The following ADGRE1 variants were observed in gnomAD, a reference collection of about 807,000 sequenced individuals.
ADGRE1 encodes EGF-like module receptor 1.
In ADGRE1, 82 loss-of-function variants were observed where a neutral mutation model predicts 102.7. The ratio of observed to expected loss-of-function variants is 0.80; its 90% confidence interval spans 0.67 to 0.96. The LOEUF is 0.96. ADGRE1 is among the 40% of genes least tolerant of loss of function. The pLI is 0.00. For missense variants in ADGRE1, 1,032 were observed against 1,085.3 expected (o/e 0.95, Z 0.69); for synonymous variants, 398 against 399.6 (o/e 1.00, Z 0.05).
intron 16 of ADGRE1, among the ~76,000 whole-genome samples, chr19:6,926,995 G>A (rs1462801325): frequency 2.0e-5 from 3 of 151,718 alleles, no homozygotes; most frequent in Non-Finnish European, 4.4e-5. Flanking sequence ...GGAGGCGGAG[G>A]CTGCAGTGAG....
At chr19:6,929,592 G>A (rs985080631) in intron 17 of ADGRE1, among the ~76,000 whole-genome samples, 3 of 151,606 alleles carry the variant, frequency 2.0e-5, no homozygotes, top group Admixed American at 1.3e-4. Flanking sequence ...GTGCAATCTC[G>A]GCTCACTGCA....
intron 14 of ADGRE1, among the ~76,000 whole-genome samples, chr19:6,922,610 TCTCACA>T (rs755001885): frequency 0.026 from 3,160 of 119,964 alleles, 47 homozygotes; most frequent in Non-Finnish European, 0.036. Context: ...TGAGACTCTG[TCTCACA>T]CACACACACA....
At chr19:6,906,561 T>C (rs1195581728) in intron 9 of ADGRE1, 40 bp downstream of exon 9, 2 of 1,576,048 alleles carry the variant, frequency 1.3e-6, no homozygotes, top group Admixed American at 1.7e-5. Flanking sequence ...GAGGTTTTCT[T>C]AGAAGCCATT....
Position 6,904,057 on chromosome 19 carries a change from A to G in ADGRE1, c.824A>G (p.Asp275Gly), listed in dbSNP as rs772475033. Reference protein sequence around the residue: ...ECRDIDECRQDPSTCGPNSIC... With the variant: ...ECRDIDECRQGPSTCGPNSIC... ...GCAGATATTGATGAGTGCCGCCAAG[A>G]TCCATCAACCTGTGGTCCTAATTCT... Residue 275 changes from aspartate (D) to glycine (G), a missense_variant, in exon 8 of 21, where the codon GAT becomes GGT. By Grantham distance (94) the Asp-to-Gly change is moderately conservative. Transcript: ENST00000312053. The G allele has an allele frequency of 5.0e-6, 8 of 1,614,160 alleles. No homozygotes were observed. The South Asian group carries it at 6.6e-5, about 13-fold the overall frequency.
intron 9 of ADGRE1, 25 bp from the exon 10 acceptor site, chr19:6,908,664 C>CTTT (rs34044572): frequency 1.4e-3 from 1,884 of 1,340,756 alleles, no homozygotes; most frequent in South Asian, 3.0e-3. Context: ...CACAAATGCT[C>CTTT]TTTTTTTTTT....
chr19:6,940,053 G>T lies in ADGRE1; in HGVS notation c.*24G>T. The T allele has an allele frequency of 6.2e-7, 1 of 1,613,132 alleles. No individual in the cohort carries two copies. The highest frequency in any genetic ancestry group is 8.5e-7 in the Non-Finnish European group (1 of 1,179,564). On this transcript the variant is annotated 3_prime_UTR_variant, in exon 21 of 21. Transcript: ENST00000312053. ...AAAGTCCTTTCTTGCTTTCAAATAT[G>T]CTATGGAGCCACAGTTGAGGACAGT...
At chr19:6,906,702 T>C (rs1028304415) in intron 9 of ADGRE1, among the ~76,000 whole-genome samples, 181 bp downstream of exon 9, 4 of 152,208 alleles carry the variant, frequency 2.6e-5, no homozygotes, top group African/African-American at 7.2e-5. Flanking sequence ...ATGGCTCCAT[T>C]ATGCTCTGCC....
At chr19:6,936,195 G>C (rs1975393997) in intron 18 of ADGRE1, among the ~76,000 whole-genome samples, 1 of 152,160 alleles carries the variant, frequency 6.6e-6, no homozygotes, top group Non-Finnish European at 1.5e-5. Context: ...CCAGCAGTTT[G>C]GGAGGCTGAG....
intron 14 of ADGRE1, among the ~76,000 whole-genome samples, chr19:6,923,597 C>T (rs980125881): frequency 2.0e-5 from 3 of 152,010 alleles, no homozygotes; most frequent in African/African-American, 7.3e-5. Context: ...GAGGTGTGAT[C>T]TCAGCTCACT....
intron 9 of ADGRE1, 83 bp from the exon 10 acceptor site, chr19:6,908,605 TG>T: frequency 8.0e-7 from 1 of 1,257,530 alleles, no homozygotes; most frequent in Non-Finnish European, 1.1e-6. Context: ...ATGGGCTTTA[TG>T]GGCTAATTTG....
intron 5 of ADGRE1, chr19:6,897,943 T>A (rs1445568861): frequency 5.5e-6 from 1 of 182,206 alleles, no homozygotes; most frequent in Non-Finnish European, 1.1e-5. Context: ...CCTTCCTTCC[T>A]TCCTTCCTTC....
At chr19:6,889,033 A>T (rs1038078163) in intron 1 of ADGRE1, among the ~76,000 whole-genome samples, 1 of 151,876 alleles carries the variant, frequency 6.6e-6, no homozygotes, top group African/African-American at 2.4e-5. Flanking sequence ...GATGATGATG[A>T]TAATGGTGAT....
Position 6,896,533 on chromosome 19 carries a change from G to A in ADGRE1, c.230G>A (p.Arg77Gln), listed in dbSNP as rs753846792. The A allele has an allele frequency of 3.1e-5, 50 of 1,613,814 alleles. 1 individual carries two copies. Among genetic ancestry groups the A allele is most frequent in the Middle Eastern group, 1.6e-4 (1 of 6,076 alleles). ...AATCACTTCAAGGATCCAGGAGTGC[G>A]ATGCAAAGGTGAGTTCATGTCCCCT... ...GQNHFKDPGV[R>Q]CKDIDECSQS... is the part of the protein sequence containing the mutation. The change falls in exon 3 of 21, where the codon CGA becomes CAA. Residue 77 changes from arginine to glutamine, a missense_variant. Coordinates refer to ENST00000312053, the MANE Select transcript of ADGRE1 (RefSeq NM_001974.5).
At chr19:6,915,932 A>C (rs1296138490) in intron 11 of ADGRE1, among the ~76,000 whole-genome samples, 4 of 150,214 alleles carry the variant, frequency 2.7e-5, no homozygotes, top group African/African-American at 4.9e-5. Context: ...AAAAAAAAAA[A>C]AAAAAAAAAA....
At chr19:6,938,468 GGA>G (rs869133078) in intron 20 of ADGRE1, among the ~76,000 whole-genome samples, 1 of 78,042 alleles carries the variant, frequency 1.3e-5, no homozygotes, top group Non-Finnish European at 3.1e-5. Flanking sequence ...ATATGCAAAT[GGA>G]GGCAAAGCTG....
chr19:6,938,818 T>C (rs1038647770), intron 20 of ADGRE1, among the ~76,000 whole-genome samples: 1 of 149,592 alleles, frequency 6.7e-6, no homozygotes, highest in African/African-American at 2.5e-5. Context: ...TTTTTTGAGA[T>C]GGAGTCTCGC....
Position 6,940,337 on chromosome 19 carries a change from C to T in ADGRE1, c.*308C>T, listed in dbSNP as rs1349121186. 2.0e-6 allele frequency: 1 copy of T among 489,132 alleles called. No individual in the cohort carries two copies. Among genetic ancestry groups the T allele is most frequent in the Non-Finnish European group, 3.7e-6 (1 of 270,728 alleles). The allele number at this position is 489,132 out of a possible 1,614,324, so 30.3% of individuals were successfully genotyped here. The stretch of plus-strand genomic sequence containing the variant: ...GAACACCTGGCTACCATTTTGTTTT[C>T]TCCTGCCCTTGTTGGTGCATGGTTC... On this transcript the variant is annotated 3_prime_UTR_variant, in exon 21 of 21. Coordinates refer to ENST00000312053, the MANE Select transcript of ADGRE1 (RefSeq NM_001974.5).
chr19:6,902,648 C>G (rs1477794448), intron 6 of ADGRE1, among the ~76,000 whole-genome samples: 1 of 152,112 alleles, frequency 6.6e-6, no homozygotes, highest in Non-Finnish European at 1.5e-5. Flanking sequence ...ACCGTGTTGG[C>G]CAGGCTGGTC....
intron 8 of ADGRE1, among the ~76,000 whole-genome samples, chr19:6,905,196 A>G (rs1973909414): frequency 6.6e-6 from 1 of 152,012 alleles, no homozygotes; most frequent in African/African-American, 2.4e-5. Context: ...TAATGATAAA[A>G]AATTAGCCAG....
Sources: gnomAD v4.1 joint callset for allele counts (sites outside exome capture counted in the v4.1 genomes callset) on GRCh38, gnomAD v4.1.1 for gene constraint, MANE v1.5 for transcripts, NCBI Gene and HGNC (gene_info 2026-07-23, HGNC 2026-07-21) for gene names.